Variants in MED13L observed in about 807,000 individuals in gnomAD.
MED13L encodes the protein mediator of RNA polymerase II transcription subunit 13-like.
A neutral mutation model predicts 220.9 loss-of-function variants in MED13L; 7 were observed. That is an observed-to-expected ratio of 0.03 (90% CI 0.02 to 0.06). MED13L has a LOEUF of 0.06. Ranked by LOEUF, MED13L falls within the 10% of genes least tolerant of loss-of-function variation. The probability of loss-of-function intolerance (pLI) is 1.00; values close to 1 mark genes in which losing one functional copy is unlikely to be tolerated. For missense variants in MED13L, 1,965 were observed against 2,760.5 expected (o/e 0.71, Z 6.46); for synonymous variants, 1,011 against 1,015.2 (o/e 1.00, Z 0.08).
intron 1 of MED13L, among the ~76,000 whole-genome samples, chr12:116,242,488 A>C (rs1432682218): frequency 6.6e-6 from 1 of 152,252 alleles, no homozygotes; most frequent in Admixed American, 6.5e-5. Context: ...TGTCAAAAAG[A>C]CAATCCTTAA....
rs1869983578 is a variant in MED13L, at chr12:116,066,920, C to CAAT, written c.479+29748_479+29749insATT. On this transcript the variant is annotated intron_variant, in intron 4 of 30. Coordinates refer to ENST00000281928, the MANE Select transcript of MED13L (RefSeq NM_015335.5). The stretch of plus-strand genomic sequence containing the variant: ...TTCATGAAGTTTTAAATAACTGACT[C>CAAT]TATTAAGTTTAACAAACAAAAGCAT... Among the ~76,000 whole-genome samples the CAAT allele has an allele frequency of 9.2e-5, 14 of 152,222 alleles. No homozygotes were observed. In the South Asian group the frequency reaches 2.9e-3, roughly 32 times the overall value.
chr12:116,268,030 C>T (rs1463227248), intron 1 of MED13L, among the ~76,000 whole-genome samples: 1 of 152,098 alleles, frequency 6.6e-6, no homozygotes, highest in Non-Finnish European at 1.5e-5. Context: ...TGATCAAGAC[C>T]CAAATGGTCA....
rs1166460322 is a variant in MED13L at position 115,992,100 on chromosome 12, C to T, written c.2997-143G>A. 6 of 767,620 alleles carry T rather than the reference C, an allele frequency of 7.8e-6. No individual in the cohort carries two copies. The African/African-American group carries it at 8.9e-5, about 11-fold the overall frequency. The allele number at this position is 767,620 out of a possible 1,614,324, so 47.6% of individuals were successfully genotyped here. A position where few individuals can be genotyped will look rare whatever the true frequency, so the allele number is the denominator to read the frequency against. On this transcript the variant is annotated intron_variant, in intron 16 of 30. Transcript: ENST00000281928. Reference sequence around the variant, plus strand: ...GGGATACACTGGTATATTTAATTTTCTCTTAAAAAAAAAAAAGAAGATACA... The same window carrying T: ...GGGATACACTGGTATATTTAATTTTTTCTTAAAAAAAAAAAAGAAGATACA...
At position 116,080,299 on chromosome 12, in the gene MED13L, T is replaced by C. The variant is rs534124200; in HGVS notation, c.479+16370A>G. Among the ~76,000 whole-genome samples, 10 of 152,252 alleles carry C rather than the reference T, an allele frequency of 6.6e-5. 4 individuals carry two copies. The highest frequency in any genetic ancestry group is 2.2e-4 in the African/African-American group (9 of 41,546). ...TCAGTGAGACTAACACCATCCAGCA[T>C]GCAATTTAAAATAAAAATGTGACAA... is the stretch of plus-strand genomic sequence containing the variant. On this transcript the variant is annotated intron_variant, in intron 4 of 30. Transcript: ENST00000281928.
chr12:116,269,419 GC>G (rs1270701827), intron 1 of MED13L, among the ~76,000 whole-genome samples: 7 of 109,802 alleles, frequency 6.4e-5, no homozygotes, highest in African/African-American at 1.1e-4. Context: ...CCTCCTCCCC[GC>G]CCCCCCAATC....
intron 4 of MED13L, among the ~76,000 whole-genome samples, chr12:116,049,488 T>C (rs1176298693): frequency 6.6e-6 from 1 of 152,196 alleles, no homozygotes; most frequent in African/African-American, 2.4e-5. Flanking sequence ...GATGAAGCAC[T>C]TAAAATTTTG....
intron 2 of MED13L, among the ~76,000 whole-genome samples, chr12:116,141,011 T>A (rs1212670873): frequency 6.6e-6 from 1 of 152,210 alleles, no homozygotes. Context: ...GTGGATTTTT[T>A]AAAATCTGTC....
At chr12:116,186,224 T>A (rs138266376) in intron 2 of MED13L, among the ~76,000 whole-genome samples, 11 of 152,324 alleles carry the variant, frequency 7.2e-5, no homozygotes, top group Admixed American at 1.3e-4. Flanking sequence ...ATATAGCATT[T>A]TATTTAGTTG....
intron 2 of MED13L, among the ~76,000 whole-genome samples, chr12:116,178,541 A>T (rs1423987528): frequency 6.6e-6 from 1 of 152,214 alleles, no homozygotes; most frequent in Non-Finnish European, 1.5e-5. Context: ...TATTCATGTT[A>T]AAAGTATCCA....
intron 2 of MED13L, among the ~76,000 whole-genome samples, chr12:116,197,198 T>C (rs899275601): frequency 1.3e-5 from 2 of 152,150 alleles, no homozygotes; most frequent in Admixed American, 6.5e-5. Flanking sequence ...GCAGCCTAAC[T>C]GCAAAGATGA....
chr12:116,148,076 A>AAG (rs1264462636), intron 2 of MED13L, among the ~76,000 whole-genome samples: 24 of 50,580 alleles, frequency 4.7e-4, no homozygotes, highest in African/African-American at 1.8e-3. Flanking sequence ...AAAAAAAAAG[A>AAG]GGGGGGCGGG....
rs149054211 is a variant in MED13L, at chr12:116,115,200, T to C, written c.311-3688A>G. 2.4e-3 allele frequency among the ~76,000 whole-genome samples: 370 copies of C among 152,266 alleles called. 10 individuals are homozygous for C. The highest frequency in any genetic ancestry group is 0.022 in the Admixed American group (333 of 15,286). On this transcript the variant is annotated intron_variant, in intron 2 of 30. Coordinates refer to ENST00000281928, the MANE Select transcript of MED13L (RefSeq NM_015335.5). ...TAGAGCAAGCAAGCCAGCACAGTAC[T>C]GTAGAAAGGATACACATCAATAGAA...
intron 2 of MED13L, chr12:116,169,323 T>C (rs890491044): frequency 4.6e-5 from 7 of 152,366 alleles, no homozygotes; most frequent in Admixed American, 2.6e-4. Flanking sequence ...TCTGTTTTAC[T>C]GTGAGGCAAA....
chr12:116,034,825 G>A (rs945136257), intron 4 of MED13L, among the ~76,000 whole-genome samples: 1 of 152,050 alleles, frequency 6.6e-6, no homozygotes, highest in African/African-American at 2.4e-5. Flanking sequence ...GGCCAACATG[G>A]TGTAACCCTG....
At chr12:116,037,978 A>G (rs963876742) in intron 4 of MED13L, among the ~76,000 whole-genome samples, 2 of 152,310 alleles carry the variant, frequency 1.3e-5, no homozygotes, top group South Asian at 2.1e-4. Context: ...GAGGATTATG[A>G]AAGTCATCTT....
At chr12:116,092,107 A>G (rs114358492) in intron 4 of MED13L, among the ~76,000 whole-genome samples, 2,012 of 152,332 alleles carry the variant, frequency 0.013, 48 homozygotes, top group African/African-American at 0.045. Flanking sequence ...TTGTCCCATT[A>G]ATATTTGTCT....
intron 4 of MED13L, among the ~76,000 whole-genome samples, chr12:116,080,601 G>A (rs1182259486): frequency 1.3e-5 from 2 of 152,202 alleles, no homozygotes. Flanking sequence ...CAAGTTCACA[G>A]TTTCAGTATT....
At chr12:116,276,591 C>T in intron 1 of MED13L, 2 of 1,210,694 alleles carry the variant, frequency 1.7e-6, no homozygotes, top group South Asian at 2.8e-5. Flanking sequence ...TTGCAGGTGT[C>T]ATTATGGAAT....
chr12:115,972,501 TA>T (rs1369851429), intron 25 of MED13L: 1 of 442,480 alleles, frequency 2.3e-6, no homozygotes, highest in East Asian at 4.8e-5. Flanking sequence ...TAATCCAGTC[TA>T]ATCTACCTAG....
Sources: allele counts gnomAD v4.1 joint callset (sites outside exome capture counted in the v4.1 genomes callset), GRCh38; gene constraint gnomAD v4.1.1; transcripts MANE v1.5; gene names NCBI Gene and HGNC (gene_info 2026-07-23, HGNC 2026-07-21).